CPEB3: variants seen among roughly 807,000 people sequenced by gnomAD.
CPEB3 encodes the protein cytoplasmic polyadenylation element-binding protein 3.
In CPEB3, 20 loss-of-function variants were observed where a neutral mutation model predicts 67.2. The observed-to-expected ratio is 0.30, with a 90% CI of 0.21 to 0.43. The LOEUF is 0.43. CPEB3 is among the 20% of genes least tolerant of loss of function. The pLI, the probability that CPEB3 is intolerant of heterozygous loss-of-function variation, is 1.00. For missense variants in CPEB3, 746 were observed against 968.6 expected (o/e 0.77, Z 3.05); for synonymous variants, 376 against 393.1 (o/e 0.96, Z 0.51).
At chr10:92,238,524 C>T (rs1851648636) in intron 2 of CPEB3, among the ~76,000 whole-genome samples, 1 of 151,898 alleles carries the variant, frequency 6.6e-6, no homozygotes, top group African/African-American at 2.4e-5. Context: ...CTTAACCCAA[C>T]TGATGAAGGA....
intron 8 of CPEB3, among the ~76,000 whole-genome samples, chr10:92,090,928 C>T (rs1251742240): frequency 6.6e-6 from 1 of 152,142 alleles, no homozygotes; most frequent in Non-Finnish European, 1.5e-5. Context: ...TTTAAAAGTT[C>T]TTCAAAATGA....
chr10:92,240,417 C>G, intron 1 of CPEB3, 56 bp from the exon 2 acceptor site: 1 of 1,389,620 alleles, frequency 7.2e-7, no homozygotes, highest in Non-Finnish European at 9.4e-7. Context: ...GAATGTCCCT[C>G]GCTGAAGCGG....
At chr10:92,073,038 CTTTTTTTTT>C (rs546510647) in intron 9 of CPEB3, among the ~76,000 whole-genome samples, 2 of 61,234 alleles carry the variant, frequency 3.3e-5, no homozygotes, top group Admixed American at 2.5e-4. Context: ...GAATCTCTGT[CTTTTTTTTT>C]TTTTTTTTTT....
At chr10:92,119,567 G>GTGGGTTGC (rs1845232197) in intron 6 of CPEB3, among the ~76,000 whole-genome samples, 1 of 152,168 alleles carries the variant, frequency 6.6e-6, no homozygotes, top group Non-Finnish European at 1.5e-5. Context: ...CCCACTGCCT[G>GTGGGTTGC]TGGGTTGCTG....
chr10:92,108,759 TA>T (rs1390584336), intron 7 of CPEB3, among the ~76,000 whole-genome samples: 1 of 152,242 alleles, frequency 6.6e-6, no homozygotes, highest in Non-Finnish European at 1.5e-5. Flanking sequence ...CAGTGAAAGC[TA>T]GTTTCCCCAT....
rs183443544 is a variant in CPEB3, at chr10:92,068,051, T to C, written c.1869+13269A>G. Among the ~76,000 whole-genome samples, 89 of 152,356 alleles carry C rather than the reference T, an allele frequency of 5.8e-4. No homozygotes were observed. The Middle Eastern group carries it at 0.01, about 17-fold the overall frequency. On this transcript the variant is annotated intron_variant, in intron 9 of 9. Transcript: ENST00000265997. ...TCTCAAGTGCTAGGGTTATGAAAGA[T>C]TTTAAAATTACCTTTGTGCCCTTCC...
intron 1 of CPEB3, among the ~76,000 whole-genome samples, chr10:92,258,765 C>G (rs537629437): frequency 2.4e-4 from 36 of 149,084 alleles, no homozygotes; most frequent in African/African-American, 6.9e-4. Flanking sequence ...TAAACAGAGT[C>G]TCTTGACTCA....
At chr10:92,283,063 C>A (rs1443392231) in intron 1 of CPEB3, among the ~76,000 whole-genome samples, 4 of 152,110 alleles carry the variant, frequency 2.6e-5, no homozygotes, top group African/African-American at 9.7e-5. Context: ...ACAGTTTGGG[C>A]AACATGGCGA....
chr10:92,277,953 G>A (rs1334419159), intron 1 of CPEB3, among the ~76,000 whole-genome samples: 1 of 151,358 alleles, frequency 6.6e-6, no homozygotes, highest in Non-Finnish European at 1.5e-5. Flanking sequence ...GGGAGGCCAA[G>A]GTGGGTGGAT....
At chr10:92,083,931 C>T (rs916048625) in intron 8 of CPEB3, among the ~76,000 whole-genome samples, 1 of 152,128 alleles carries the variant, frequency 6.6e-6, no homozygotes, top group Non-Finnish European at 1.5e-5. Flanking sequence ...CGGCTATAAT[C>T]CCAGCACTTT....
At chr10:92,196,431 T>C (rs1442465767) in intron 2 of CPEB3, among the ~76,000 whole-genome samples, 1 of 152,182 alleles carries the variant, frequency 6.6e-6, no homozygotes, top group Admixed American at 6.5e-5. Context: ...TACTGGCATG[T>C]CACTTTGAAC....
intron 6 of CPEB3, among the ~76,000 whole-genome samples, chr10:92,130,078 C>A (rs1845776976): frequency 6.6e-6 from 1 of 151,860 alleles, no homozygotes; most frequent in African/African-American, 2.4e-5. Context: ...ACACTTCCTT[C>A]ATTTCTCCAA....
At chr10:92,235,494 T>C (rs1590478957) in intron 2 of CPEB3, among the ~76,000 whole-genome samples, 1 of 152,174 alleles carries the variant, frequency 6.6e-6, no homozygotes, top group East Asian at 1.9e-4. Context: ...ATGCAAAGCC[T>C]ATGGTCACCA....
In CPEB3 at chr10:92,291,055, G is replaced by A. The variant is rs902228996; in HGVS notation, c.-141C>T. 2 of 179,336 alleles carry A rather than the reference G, an allele frequency of 1.1e-5. No individual in the cohort carries two copies. Among genetic ancestry groups the A allele is most frequent in the East Asian group, 3.2e-4 (2 of 6,284 alleles). 11.1% of individuals were successfully genotyped at this position (179,336 alleles called of 1,614,324 possible). On this transcript the variant is annotated 5_prime_UTR_variant, in exon 1 of 10. Coordinates refer to ENST00000265997, the MANE Select transcript of CPEB3 (RefSeq NM_014912.5). ...GACGGCGGCAGGCGCGGAGGCGTTG[G>A]TCCGGGCGGGCTGTGCAGCCTCTAG...
chr10:92,206,625 T>C (rs1564866879), intron 2 of CPEB3, among the ~76,000 whole-genome samples: 1 of 152,240 alleles, frequency 6.6e-6, no homozygotes, highest in East Asian at 1.9e-4. Context: ...TTTATATATT[T>C]ATTTATGTTC....
intron 6 of CPEB3, among the ~76,000 whole-genome samples, chr10:92,132,044 C>T (rs1845868076): frequency 6.6e-6 from 1 of 152,086 alleles, no homozygotes; most frequent in Non-Finnish European, 1.5e-5. Flanking sequence ...AACATGCAAA[C>T]AAAATTATTA....
intron 1 of CPEB3, among the ~76,000 whole-genome samples, chr10:92,272,640 T>C (rs1451060549): frequency 1.3e-5 from 2 of 152,230 alleles, no homozygotes; most frequent in East Asian, 3.8e-4. Context: ...GGCCAGGCTC[T>C]GTACTAGGCA....
chr10:92,228,499 T>C (rs1207479321), intron 2 of CPEB3, among the ~76,000 whole-genome samples: 2 of 152,198 alleles, frequency 1.3e-5, no homozygotes, highest in Admixed American at 6.6e-5. Context: ...ACTCCTGGAG[T>C]TTGAGTAGGG....
intron 2 of CPEB3, among the ~76,000 whole-genome samples, chr10:92,207,259 A>C (rs1179442456): frequency 6.6e-6 from 1 of 152,202 alleles, no homozygotes; most frequent in African/African-American, 2.4e-5. Flanking sequence ...CTGGAATTAC[A>C]GGCATGCACC....
Sources: gnomAD v4.1 joint callset for allele counts (sites outside exome capture counted in the v4.1 genomes callset) on GRCh38, gnomAD v4.1.1 for gene constraint, MANE v1.5 for transcripts, NCBI Gene and HGNC (gene_info 2026-07-23, HGNC 2026-07-21) for gene names.